KCNQ5: variants seen among roughly 807,000 people sequenced by gnomAD.
KCNQ5 encodes the protein potassium voltage-gated channel subfamily Q member 5.
KCNQ5 carries 30 observed loss-of-function variants against 98.2 expected under a neutral mutation model. That is an observed-to-expected ratio of 0.31 (90% CI 0.23 to 0.41). The LOEUF (loss-of-function observed/expected upper bound fraction) is 0.41, where lower values mean the gene tolerates loss of function less well. Ranked by LOEUF, KCNQ5 falls within the 10% of genes least tolerant of loss-of-function variation. KCNQ5 has a pLI of 1.00. For synonymous variants in KCNQ5, 458 were observed against 449.4 expected, an observed-to-expected ratio of 1.02 and a Z score of -0.24; for missense variants, 835 against 1,182.5, an observed-to-expected ratio of 0.71 and a Z score of 4.31.
At chr6:72,867,773 T>TA (rs113670630) in intron 1 of KCNQ5, among the ~76,000 whole-genome samples, 143 of 144,314 alleles carry the variant, frequency 9.9e-4, no homozygotes, top group African/African-American at 2.6e-3. Flanking sequence ...CCCCTTCTCT[T>TA]AAAAAAAAAA....
At chr6:72,995,782 TC>T (rs1769269807) in intron 1 of KCNQ5, among the ~76,000 whole-genome samples, 1 of 152,154 alleles carries the variant, frequency 6.6e-6, no homozygotes, top group Non-Finnish European at 1.5e-5. Context: ...ATAAAGACTT[TC>T]CAGAAATCCA....
At chr6:73,016,621 A>G (rs1286381574) in intron 2 of KCNQ5, among the ~76,000 whole-genome samples, 1 of 152,172 alleles carries the variant, frequency 6.6e-6, no homozygotes, top group Non-Finnish European at 1.5e-5. Flanking sequence ...GATGGGGGAC[A>G]TTTAGGAAGC....
At position 72,653,239 on chromosome 6, in the gene KCNQ5, A is replaced by G. The variant is rs1765966866; in HGVS notation, c.398+30652A>G. Among the ~76,000 whole-genome samples the G allele has an allele frequency of 1.3e-5, 2 of 151,892 alleles. 1 individual carries two copies. Among genetic ancestry groups the G allele is most frequent in the South Asian group, 4.1e-4 (2 of 4,828 alleles). Reference sequence around the variant, plus strand: ...TGCAGGTTGTCAGAATCAGTGGAGCATGCCATTTACTGCTTGTCTTAGATA... The same window carrying G: ...TGCAGGTTGTCAGAATCAGTGGAGCGTGCCATTTACTGCTTGTCTTAGATA... On this transcript the variant is annotated intron_variant, in intron 1 of 13. Transcript: ENST00000370398.
rs913869042 is a variant in KCNQ5 at position 72,868,412 on chromosome 6, C to T, written c.399-135496C>T. Among the ~76,000 whole-genome samples, 7 of 152,166 alleles carry T rather than the reference C, an allele frequency of 4.6e-5. No individual in the cohort carries two copies. In the South Asian group the frequency reaches 6.2e-4, roughly 14 times the overall value. ...CTCTAAGCCCCAAGAAATTGGATGACGACTTAATAGAAATTTCATTCTAAT... is the reference window on the plus strand; with the variant it reads ...CTCTAAGCCCCAAGAAATTGGATGATGACTTAATAGAAATTTCATTCTAAT... On this transcript the variant is annotated intron_variant, in intron 1 of 13. Transcript: ENST00000370398.
intron 1 of KCNQ5, among the ~76,000 whole-genome samples, chr6:72,711,841 A>G (rs1055823300): frequency 6.6e-6 from 1 of 152,196 alleles, no homozygotes; most frequent in African/African-American, 2.4e-5. Flanking sequence ...TTAGAAGTGG[A>G]AAACACTGGA....
chr6:73,168,055 A>G (rs945628271), intron 10 of KCNQ5, among the ~76,000 whole-genome samples: 3 of 152,222 alleles, frequency 2.0e-5, no homozygotes, highest in Non-Finnish European at 4.4e-5. Flanking sequence ...CTTAAAGGCA[A>G]GAAAGCCAAA....
intron 1 of KCNQ5, among the ~76,000 whole-genome samples, chr6:72,748,979 A>G (rs1386492700): frequency 6.6e-6 from 1 of 152,158 alleles, no homozygotes; most frequent in Non-Finnish European, 1.5e-5. Flanking sequence ...TGAGAAACAG[A>G]TGTGCCATGG....
rs561302630 is a variant in KCNQ5 at position 72,659,083 on chromosome 6, C to T, written c.398+36496C>T. Reference sequence around the variant, plus strand: ...CCATTAATGGGAAAGATTAGTTTACCTACATTTAAGATTGCCTTCTTGCAA... The same window carrying T: ...CCATTAATGGGAAAGATTAGTTTACTTACATTTAAGATTGCCTTCTTGCAA... On this transcript the variant is annotated intron_variant, in intron 1 of 13. Transcript: ENST00000370398. Among the ~76,000 whole-genome samples the T allele has an allele frequency of 7.2e-5, 11 of 152,254 alleles. No homozygotes were observed. The East Asian group carries it at 1.9e-3, about 27-fold the overall frequency.
chr6:72,703,037 A>G (rs1226000733), intron 1 of KCNQ5, among the ~76,000 whole-genome samples: 1 of 152,096 alleles, frequency 6.6e-6, no homozygotes, highest in African/African-American at 2.4e-5. Flanking sequence ...AAGGCAGTCT[A>G]TTTAGGATGC....
intron 5 of KCNQ5, among the ~76,000 whole-genome samples, chr6:73,079,499 A>T (rs1006403802): frequency 6.6e-6 from 1 of 152,228 alleles, no homozygotes; most frequent in African/African-American, 2.4e-5. Flanking sequence ...GAGAGGGGGA[A>T]AATTTGTTAG....
At chr6:72,635,927 G>A (rs1475852894) in intron 1 of KCNQ5, among the ~76,000 whole-genome samples, 1 of 151,798 alleles carries the variant, frequency 6.6e-6, no homozygotes, top group Non-Finnish European at 1.5e-5. Flanking sequence ...TATAAGGGGA[G>A]AACCCTATTT....
rs534328551 is a variant in KCNQ5 at position 72,987,158 on chromosome 6, G to T, written c.399-16750G>T. On this transcript the variant is annotated intron_variant, in intron 1 of 13. Coordinates refer to ENST00000370398, the MANE Select transcript of KCNQ5 (RefSeq NM_019842.4). Reference sequence around the variant, plus strand: ...GCCCTAAGGCCCCCGAGAAGAAAAAGATGAAGTCCAAGAAGGTAGAGCAGC... The same window carrying T: ...GCCCTAAGGCCCCCGAGAAGAAAAATATGAAGTCCAAGAAGGTAGAGCAGC... 3 of 665,236 alleles carry T rather than the reference G, an allele frequency of 4.5e-6. No individual in the cohort carries two copies. In the East Asian group the frequency reaches 8.3e-5, roughly 18 times the overall value. The allele number at this position is 665,236 out of a possible 1,614,324, so 41.2% of individuals were successfully genotyped here.
intron 2 of KCNQ5, among the ~76,000 whole-genome samples, chr6:73,026,529 T>C (rs1770897896): frequency 6.6e-6 from 1 of 152,166 alleles, no homozygotes; most frequent in Non-Finnish European, 1.5e-5. Context: ...AGCACCTTCA[T>C]CCTCTTTTAT....
chr6:72,719,847 C>A (rs571725603), intron 1 of KCNQ5, among the ~76,000 whole-genome samples: 136 of 152,348 alleles, frequency 8.9e-4, no homozygotes, highest in Middle Eastern at 3.4e-3. Context: ...TACTCAGGGA[C>A]TGACACCCCA....
At chr6:73,102,239 A>G (rs2150416182) in intron 5 of KCNQ5, among the ~76,000 whole-genome samples, 1 of 152,340 alleles carries the variant, frequency 6.6e-6, no homozygotes, top group Non-Finnish European at 1.5e-5. Context: ...CCATATGGAA[A>G]AAAATCAAAT....
chr6:73,072,324 A>G (rs1773331679), intron 3 of KCNQ5, among the ~76,000 whole-genome samples: 1 of 152,134 alleles, frequency 6.6e-6, no homozygotes, highest in East Asian at 1.9e-4. Context: ...GCTTTGTTTG[A>G]TCCAGATGAT....
At chr6:72,908,089 T>C (rs1438701986) in intron 1 of KCNQ5, among the ~76,000 whole-genome samples, 2 of 152,056 alleles carry the variant, frequency 1.3e-5, no homozygotes, top group African/African-American at 4.8e-5. Flanking sequence ...TTTAGACAGA[T>C]CTCCTAAATT....
chr6:72,879,110 C>T (rs1246444594), intron 1 of KCNQ5, among the ~76,000 whole-genome samples: 2 of 152,148 alleles, frequency 1.3e-5, no homozygotes, highest in East Asian at 3.9e-4. Context: ...CACTATCTGC[C>T]AGTTTCTCTG....
intron 1 of KCNQ5, among the ~76,000 whole-genome samples, chr6:72,627,239 G>A (rs1225268644): frequency 2.0e-5 from 3 of 152,064 alleles, no homozygotes; most frequent in African/African-American, 4.8e-5. Flanking sequence ...TCAGTTTTGT[G>A]GTAATTAAAG....
Sources: gnomAD v4.1 joint callset for allele counts (sites outside exome capture counted in the v4.1 genomes callset) on GRCh38, gnomAD v4.1.1 for gene constraint, MANE v1.5 for transcripts, NCBI Gene and HGNC (gene_info 2026-07-23, HGNC 2026-07-21) for gene names.